Variants in NAALADL2 observed in about 807,000 individuals in gnomAD.
NAALADL2 encodes the protein inactive N-acetylated-alpha-linked acidic dipeptidase-like protein 2.
NAALADL2 carries 76 observed loss-of-function variants against 87.2 expected under a neutral mutation model. The ratio of observed to expected loss-of-function variants is 0.87; its 90% CI spans 0.72 to 1.05. The LOEUF (loss-of-function observed/expected upper bound fraction) is 1.05, where lower values mean the gene tolerates loss of function less well. Among genes scored for constraint, NAALADL2 ranks in the 50% least tolerant of loss-of-function variants. NAALADL2 has a pLI of 0.00. For missense variants in NAALADL2, 1,089 were observed against 945.8 expected (o/e 1.15, Z -1.99); for synonymous variants, 354 against 331.0 (o/e 1.07, Z -0.75).
chr3:174,672,318 T>C (rs1726629908), intron 2 of NAALADL2, among the ~76,000 whole-genome samples: 1 of 152,110 alleles, frequency 6.6e-6, no homozygotes, highest in Non-Finnish European at 1.5e-5. Context: ...AAGAATTTTT[T>C]ATCTACTCAG....
At chr3:174,575,862 T>C (rs916834766) in intron 2 of NAALADL2, among the ~76,000 whole-genome samples, 1 of 152,096 alleles carries the variant, frequency 6.6e-6, no homozygotes, top group Non-Finnish European at 1.5e-5. Context: ...ATATAGTTTG[T>C]TTGTTTGTTT....
chr3:175,132,793 C>T (rs1227241768), intron 2 of NAALADL2, among the ~76,000 whole-genome samples: 2 of 151,750 alleles, frequency 1.3e-5, no homozygotes, highest in Non-Finnish European at 1.5e-5. Context: ...GGCTGACCCC[C>T]ACCTCCCTCC....
intron 1 of NAALADL2, among the ~76,000 whole-genome samples, chr3:175,063,489 G>A (rs1246137166): frequency 6.6e-6 from 1 of 151,388 alleles, no homozygotes; most frequent in Non-Finnish European, 1.5e-5. Context: ...ATATTTTACT[G>A]CTTTTGAGAC....
chr3:174,630,490 C>A (rs1722003085), intron 2 of NAALADL2, among the ~76,000 whole-genome samples: 1 of 151,684 alleles, frequency 6.6e-6, no homozygotes, highest in East Asian at 1.9e-4. Context: ...TGGTATTTTC[C>A]CCATTCAAAA....
intron 5 of NAALADL2, among the ~76,000 whole-genome samples, chr3:175,403,604 T>A (rs1161326001): frequency 6.6e-6 from 1 of 152,124 alleles, no homozygotes; most frequent in African/African-American, 2.4e-5. Context: ...ATTCATATAG[T>A]TAAAAGGAAA....
rs527842144 is a variant in NAALADL2 at position 175,129,290 on chromosome 3, T to TTG, written c.545+32014_545+32015dup. On this transcript the variant is annotated intron_variant, in intron 2 of 13. Transcript: ENST00000454872. ...TCCATTACTACCTATAGTTACCATT[T>TTG]TGTGTGTGTGTGTGTGGTGAGAACA... is the stretch of plus-strand genomic sequence containing the variant. Among the ~76,000 whole-genome samples, 409 of 151,256 alleles carry TTG rather than the reference T, an allele frequency of 2.7e-3. 1 individual carries two copies. The highest frequency in any genetic ancestry group is 8.2e-3 in the African/African-American group (338 of 41,278).
intron 9 of NAALADL2, among the ~76,000 whole-genome samples, chr3:175,569,478 C>T (rs1382619225): frequency 2.0e-5 from 3 of 152,050 alleles, no homozygotes; most frequent in Non-Finnish European, 4.4e-5. Flanking sequence ...GTTTGTGTCC[C>T]CTCAAAATTC....
At chr3:175,582,765 CAATT>C (rs1453341235) in intron 10 of NAALADL2, among the ~76,000 whole-genome samples, 20 of 152,154 alleles carry the variant, frequency 1.3e-4, no homozygotes, top group Non-Finnish European at 1.5e-5. Context: ...GTCGTATAAA[CAATT>C]AAATAAAGTA....
At chr3:175,313,070 C>T in intron 4 of NAALADL2, among the ~76,000 whole-genome samples, 1 of 152,136 alleles carries the variant, frequency 6.6e-6, no homozygotes, top group South Asian at 2.1e-4. Context: ...CTCCTAAGGC[C>T]TTTCTCCTAG....
At chr3:175,762,179 G>C (rs967624085) in intron 13 of NAALADL2, among the ~76,000 whole-genome samples, 3 of 122,332 alleles carry the variant, frequency 2.5e-5, no homozygotes, top group Admixed American at 9.3e-5. Context: ...AAAAGGATAA[G>C]GTCTGTGTTT....
intron 1 of NAALADL2, among the ~76,000 whole-genome samples, chr3:175,039,885 C>T (rs1753853532): frequency 6.6e-6 from 1 of 152,094 alleles, no homozygotes; most frequent in Non-Finnish European, 1.5e-5. Context: ...TTCTTTCATT[C>T]CTTTAGTTTT....
rs1754972869 is a variant in NAALADL2, at chr3:175,809,449, A to C, written c.*6246A>C. Reference sequence around the variant, plus strand: ...CCTTTCTAGAACACTGTGCAGGACTAATTTTTTTTTAATAGACATCCAGAA... The same window carrying C: ...CCTTTCTAGAACACTGTGCAGGACTCATTTTTTTTTAATAGACATCCAGAA... On this transcript the variant is annotated 3_prime_UTR_variant, in exon 14 of 14. Transcript: ENST00000454872. 1 of 131,148 alleles carries C rather than the reference A, an allele frequency of 7.6e-6. No individual in the cohort carries two copies. The highest frequency in any genetic ancestry group is 3.2e-5 in the African/African-American group (1 of 30,894). 8.1% of individuals were successfully genotyped at this position (131,148 alleles called of 1,614,324 possible).
At chr3:174,949,315 T>A (rs1739967811) in intron 1 of NAALADL2, among the ~76,000 whole-genome samples, 1 of 152,094 alleles carries the variant, frequency 6.6e-6, no homozygotes, top group African/African-American at 2.4e-5. Flanking sequence ...TGGAATCTAT[T>A]TTACCTGTTA....
At chr3:175,103,437 G>A (rs1722571622) in intron 2 of NAALADL2, among the ~76,000 whole-genome samples, 1 of 152,010 alleles carries the variant, frequency 6.6e-6, no homozygotes, top group East Asian at 1.9e-4. Context: ...GACACTATTT[G>A]TTTAGGTTAT....
intron 1 of NAALADL2, among the ~76,000 whole-genome samples, chr3:174,900,629 A>T (rs1156363556): frequency 6.6e-6 from 1 of 152,040 alleles, no homozygotes; most frequent in Non-Finnish European, 1.5e-5. Flanking sequence ...TACATACCAT[A>T]AAATTATTTG....
intron 2 of NAALADL2, among the ~76,000 whole-genome samples, chr3:175,184,491 T>C (rs1483053971): frequency 6.6e-6 from 1 of 152,104 alleles, no homozygotes; most frequent in Admixed American, 6.6e-5. Context: ...CTTTTTATCA[T>C]GATCTCTTTC....
At chr3:175,038,035 A>G (rs1429212356) in intron 1 of NAALADL2, among the ~76,000 whole-genome samples, 1 of 152,174 alleles carries the variant, frequency 6.6e-6, no homozygotes. Context: ...GATTCTTACA[A>G]GAGAGGAAGA....
chr3:175,368,004 G>A (rs1040867731), intron 5 of NAALADL2, among the ~76,000 whole-genome samples: 2 of 152,192 alleles, frequency 1.3e-5, no homozygotes, highest in South Asian at 4.1e-4. Flanking sequence ...GTCATAGATA[G>A]CTCTTATTAT....
chr3:174,839,717 T>C lies in NAALADL2; in HGVS notation c.-9+101971T>C, dbSNP rs981932691. 3.3e-5 allele frequency among the ~76,000 whole-genome samples: 5 copies of C among 151,600 alleles called. 1 individual carries two copies. The highest frequency in any genetic ancestry group is 2.6e-4 in the Admixed American group (4 of 15,204). On this transcript the variant is annotated intron_variant, in intron 3 of 3. Transcript: ENST00000434257. Reference sequence around the variant, plus strand: ...AATAGACAATTCTCAAAAGAAGATATAGAAATGGCCATCAAACATGAAAAA... The same window carrying C: ...AATAGACAATTCTCAAAAGAAGATACAGAAATGGCCATCAAACATGAAAAA...
Sources: gnomAD v4.1 joint callset for allele counts (sites outside exome capture counted in the v4.1 genomes callset) on GRCh38, gnomAD v4.1.1 for gene constraint, MANE v1.5 for transcripts, NCBI Gene and HGNC (gene_info 2026-07-23, HGNC 2026-07-21) for gene names.